MVB12B: variants seen among roughly 807,000 people sequenced by gnomAD.
MVB12B encodes the protein ESCRT-I complex subunit MVB12B.
MVB12B carries 16 observed loss-of-function variants against 41.6 expected under a neutral mutation model. The ratio of observed to expected loss-of-function variants is 0.38; its 90% confidence interval spans 0.26 to 0.58. MVB12B has a LOEUF of 0.58. MVB12B is among the 20% of genes least tolerant of loss of function. MVB12B has a pLI of 0.62. For missense variants in MVB12B, 274 were observed against 380.2 expected, an observed-to-expected ratio of 0.72 and a Z score of 2.32; for synonymous variants, 133 against 139.7, an observed-to-expected ratio of 0.95 and a Z score of 0.34.
intron 9 of MVB12B, among the ~76,000 whole-genome samples, chr9:126,492,611 G>C (rs1288650324): frequency 2.0e-5 from 3 of 152,202 alleles, no homozygotes; most frequent in African/African-American, 7.2e-5. Context: ...GGAGGCCAAG[G>C]TGGGAGGATC....
At chr9:126,464,316 C>T (rs1833150072) in intron 7 of MVB12B, among the ~76,000 whole-genome samples, 1 of 152,190 alleles carries the variant, frequency 6.6e-6, no homozygotes, top group Non-Finnish European at 1.5e-5. Flanking sequence ...GGAGAAAGGC[C>T]TATCACAGAT....
At chr9:126,445,455 C>A (rs185753622) in intron 7 of MVB12B, among the ~76,000 whole-genome samples, 3 of 152,026 alleles carry the variant, frequency 2.0e-5, no homozygotes, top group Non-Finnish European at 4.4e-5. Flanking sequence ...AGGCACCCAC[C>A]GCCACACCTG....
chr9:126,355,080 C>T (rs1278808107), intron 2 of MVB12B, among the ~76,000 whole-genome samples: 7 of 152,176 alleles, frequency 4.6e-5, no homozygotes, highest in Non-Finnish European at 1.0e-4. Context: ...TGCTAGAGGT[C>T]TTTGCATATG....
At chr9:126,489,334 T>A (rs1268937333) in intron 9 of MVB12B, among the ~76,000 whole-genome samples, 1 of 152,188 alleles carries the variant, frequency 6.6e-6, no homozygotes, top group Non-Finnish European at 1.5e-5. Flanking sequence ...GGCCTGCTCA[T>A]CCCAGCCCAG....
Position 126,328,278 on chromosome 9 carries a change from C to T in MVB12B, c.81+1268C>T, listed in dbSNP as rs1829037735. Among the ~76,000 whole-genome samples the T allele has an allele frequency of 2.0e-5, 3 of 152,122 alleles. No individual in the cohort carries two copies. In the South Asian group the frequency reaches 6.2e-4, roughly 32 times the overall value. ...TGCTTGGGACCCGGGCTCCAAGCCC[C>T]ATGGGAAGCAGTTGACGTGGCGATT... On this transcript the variant is annotated intron_variant, in intron 1 of 9. Transcript: ENST00000361171.
At chr9:126,485,722 CTGG>C in intron 9 of MVB12B, among the ~76,000 whole-genome samples, 1 of 151,820 alleles carries the variant, frequency 6.6e-6, no homozygotes, top group East Asian at 1.9e-4. Flanking sequence ...TGGAACACAT[CTGG>C]CAGCCTGCTT....
At chr9:126,492,416 C>T (rs963803706) in intron 9 of MVB12B, among the ~76,000 whole-genome samples, 2 of 151,966 alleles carry the variant, frequency 1.3e-5, no homozygotes, top group African/African-American at 2.4e-5. Context: ...ATGTATGTTA[C>T]CATTTGCCTT....
rs983201511 is a variant in MVB12B at position 126,389,919 on chromosome 9, T to G, written c.410-2147T>G. 6.6e-6 allele frequency among the ~76,000 whole-genome samples: 1 copy of G among 152,142 alleles called. No homozygotes were observed. The highest frequency in any genetic ancestry group is 1.5e-5 in the Non-Finnish European group (1 of 68,024). ...TCGTAGATCTGCTCTAGCCCTCAGT[T>G]TCTGTGCCTGAGGAACCCACAGTTA... On this transcript the variant is annotated intron_variant, in intron 4 of 9. Coordinates refer to ENST00000361171, the MANE Select transcript of MVB12B (RefSeq NM_033446.3). This position sits in a 1 kb window ranked among gnomAD's most constrained non-coding sequence, Gnocchi z 4.4.
rs1834001394 is a variant in MVB12B, at chr9:126,503,293, C to G, written c.*30C>G. On this transcript the variant is annotated 3_prime_UTR_variant, in exon 10 of 10. Coordinates refer to ENST00000361171, the MANE Select transcript of MVB12B (RefSeq NM_033446.3). The stretch of plus-strand genomic sequence containing the variant: ...CCAGCGGCCACCTGCGGGGAGACCA[C>G]CGCCGCCCAGACTACTGACGGCAGG... The G allele has an allele frequency of 2.6e-6, 4 of 1,533,654 alleles. No individual in the cohort carries two copies. The highest frequency in any genetic ancestry group is 2.6e-6 in the Non-Finnish European group (3 of 1,132,844).
At chr9:126,410,892 T>C (rs1030472443) in intron 6 of MVB12B, among the ~76,000 whole-genome samples, 18 of 149,658 alleles carry the variant, frequency 1.2e-4, no homozygotes, top group South Asian at 2.1e-4. Context: ...TTATTTCTTT[T>C]TTTTTTTTTT....
At chr9:126,415,072 C>G (rs1384951349) in intron 6 of MVB12B, among the ~76,000 whole-genome samples, 6 of 152,070 alleles carry the variant, frequency 3.9e-5, no homozygotes, top group Non-Finnish European at 8.8e-5. Context: ...CCTACTCATT[C>G]TTATAACTCC....
At chr9:126,432,105 G>C (rs1832345336) in intron 7 of MVB12B, among the ~76,000 whole-genome samples, 1 of 152,194 alleles carries the variant, frequency 6.6e-6, no homozygotes, top group Non-Finnish European at 1.5e-5. Context: ...TGCCTTGACT[G>C]TAACGTTCCT....
chr9:126,497,898 C>T (rs1336842705), intron 9 of MVB12B, among the ~76,000 whole-genome samples: 1 of 152,210 alleles, frequency 6.6e-6, no homozygotes, highest in African/African-American at 2.4e-5. Flanking sequence ...GTCAAAACGC[C>T]CACACCCACT....
Position 126,386,717 on chromosome 9 carries a change from T to G in MVB12B, c.409+59T>G. On this transcript the variant is annotated intron_variant, in intron 4 of 9. Coordinates refer to ENST00000361171, the MANE Select transcript of MVB12B (RefSeq NM_033446.3). The surrounding 1 kb of genome is among the most constrained non-coding windows in gnomAD (Gnocchi z 4.3). Reference sequence around the variant, plus strand: ...AGCGTTTTCTTCCTCCAGGTATATTTGTAGGTGTTTTTCTATGTGCATTTT... The same window carrying G: ...AGCGTTTTCTTCCTCCAGGTATATTGGTAGGTGTTTTTCTATGTGCATTTT... The G allele has an allele frequency of 2.3e-6, 3 of 1,292,668 alleles. No homozygotes were observed. The highest frequency in any genetic ancestry group is 3.4e-6 in the Non-Finnish European group (3 of 895,118). 80.1% of individuals were successfully genotyped at this position (1,292,668 alleles called of 1,614,324 possible).
intron 7 of MVB12B, among the ~76,000 whole-genome samples, chr9:126,447,526 T>TAG (rs1171142820): frequency 5.9e-5 from 9 of 152,194 alleles, no homozygotes; most frequent in Non-Finnish European, 1.3e-4. Flanking sequence ...TTTTATTATG[T>TAG]AATTATCCGA....
At chr9:126,497,580 A>G (rs1833865023) in intron 9 of MVB12B, among the ~76,000 whole-genome samples, 1 of 152,124 alleles carries the variant, frequency 6.6e-6, no homozygotes, top group Admixed American at 6.5e-5. Flanking sequence ...CTCCAGGCCC[A>G]GCTACAGGGC....
chr9:126,405,799 G>A (rs1831403028), intron 6 of MVB12B, among the ~76,000 whole-genome samples: 1 of 151,074 alleles, frequency 6.6e-6, no homozygotes, highest in Non-Finnish European at 1.5e-5. Context: ...ATGAGCAGCA[G>A]ATGTTTTGTT....
intron 7 of MVB12B, among the ~76,000 whole-genome samples, chr9:126,457,489 C>A (rs535716824): frequency 3.9e-5 from 6 of 152,270 alleles, no homozygotes; most frequent in South Asian, 4.1e-4. Context: ...AGACTTCCAC[C>A]AATCCTAGCC....
At chr9:126,399,776 G>A (rs963961978) in intron 6 of MVB12B, among the ~76,000 whole-genome samples, 4 of 152,168 alleles carry the variant, frequency 2.6e-5, no homozygotes, top group African/African-American at 9.7e-5. Flanking sequence ...CAGAACCATG[G>A]CTTGATAAAG....
Sources: allele counts gnomAD v4.1 joint callset (sites outside exome capture counted in the v4.1 genomes callset), GRCh38; gene constraint gnomAD v4.1.1; non-coding constraint Gnocchi (gnomAD v3.1); transcripts MANE v1.5; gene names NCBI Gene and HGNC (gene_info 2026-07-23, HGNC 2026-07-21).